The following DCP1B variants were observed in gnomAD, a reference collection of about 807,000 sequenced individuals.
DCP1B encodes the protein decapping mRNA 1B.
Under a neutral mutation model 60.5 loss-of-function variants are expected in DCP1B, and 47 were observed. That is an observed-to-expected ratio of 0.78 (90% CI 0.61 to 0.99). The LOEUF is 0.99. Among genes scored for constraint, DCP1B ranks in the 50% least tolerant of loss-of-function variants. The probability of loss-of-function intolerance (pLI) is 0.00; values close to 1 mark genes in which losing one functional copy is unlikely to be tolerated. For synonymous variants in DCP1B, 267 were observed against 280.3 expected (o/e 0.95, Z 0.47); for missense variants, 725 against 756.8 (o/e 0.96, Z 0.49).
chr12:1,991,550 CTTT>C (rs891578089), intron 3 of DCP1B: 2 of 225,852 alleles, frequency 8.9e-6, no homozygotes, highest in Admixed American at 5.6e-5. Flanking sequence ...AGGTTTTTTC[CTTT>C]TTTTTTTGCA....
chr12:1,942,146 C>T (rs926369947), downstream of DCP1B, among the ~76,000 whole-genome samples: 4 of 152,166 alleles, frequency 2.6e-5, no homozygotes, highest in Admixed American at 2.6e-4. Context: ...CAATCCTAGT[C>T]TCTGATAAAA....
intron 3 of DCP1B, among the ~76,000 whole-genome samples, chr12:1,981,225 C>A (rs1367722282): frequency 6.6e-6 from 1 of 152,134 alleles, no homozygotes. Flanking sequence ...TCACTCACTG[C>A]TTCGGGTTTC....
At position 1,946,295 on chromosome 12, in the gene DCP1B, C is replaced by T. The variant is rs1345962756; in HGVS notation, c.1774-9G>A. On this transcript the variant is annotated splice_polypyrimidine_tract_variant and intron_variant, in intron 8 of 8. Transcript: ENST00000280665. Reference sequence around the variant, plus strand: ...AAGAAGTTGTCATCATTCTGGAAAACAAATCGAAAGACCCAAGAGAATGTT... The same window carrying T: ...AAGAAGTTGTCATCATTCTGGAAAATAAATCGAAAGACCCAAGAGAATGTT... 1 of 1,594,804 alleles carries T rather than the reference C, an allele frequency of 6.3e-7. No homozygotes were observed. Among genetic ancestry groups the T allele is most frequent in the South Asian group, 1.2e-5 (1 of 86,788 alleles).
intron 1 of DCP1B, among the ~76,000 whole-genome samples, chr12:2,000,138 A>T (rs1207700872): frequency 1.3e-5 from 2 of 152,196 alleles, no homozygotes; most frequent in Admixed American, 1.3e-4. Context: ...GGCTGTCCCT[A>T]AAGTTTAACT....
chr12:1,962,282 A>G lies in DCP1B; in HGVS notation c.522+3276T>C, dbSNP rs73045420. Reference sequence around the variant, plus strand: ...TATGGCTCAGGATTGGTTAGTGTGCATATTAAAGGCGTGCTCCTGGCCAAG... The same window carrying G: ...TATGGCTCAGGATTGGTTAGTGTGCGTATTAAAGGCGTGCTCCTGGCCAAG... On this transcript the variant is annotated intron_variant, in intron 5 of 8. Transcript: ENST00000280665. The surrounding 1 kb of genome is among the most constrained non-coding windows in gnomAD (Gnocchi z 4.4). Among the ~76,000 whole-genome samples the G allele has an allele frequency of 1.4e-3, 209 of 152,308 alleles. No individual in the cohort carries two copies. The highest frequency in any genetic ancestry group is 0.01 in the Middle Eastern group (3 of 294).
chr12:1,983,803 T>C (rs1004904549), intron 3 of DCP1B, among the ~76,000 whole-genome samples: 1 of 151,904 alleles, frequency 6.6e-6, no homozygotes, highest in African/African-American at 2.4e-5. Context: ...CTATTGATTG[T>C]AGAAAGTGGA....
At chr12:1,946,929 C>CA (rs2154456240) in intron 8 of DCP1B, among the ~76,000 whole-genome samples, 1 of 152,254 alleles carries the variant, frequency 6.6e-6, no homozygotes, top group East Asian at 1.9e-4. Context: ...CTCCTGGGCT[C>CA]AAGTGAGCCT....
intron 5 of DCP1B, among the ~76,000 whole-genome samples, chr12:1,960,832 T>C (rs1383378626): frequency 1.3e-5 from 2 of 152,220 alleles, no homozygotes; most frequent in African/African-American, 4.8e-5. Context: ...ACACTTTAAG[T>C]AACGGAGACT....
At chr12:1,951,069 C>T (rs1252180919) in intron 7 of DCP1B, among the ~76,000 whole-genome samples, 2 of 152,014 alleles carry the variant, frequency 1.3e-5, no homozygotes, top group African/African-American at 2.4e-5. Context: ...GTCAGAAGTT[C>T]GAGACCAGCC....
At chr12:1,973,758 T>C (rs2033323831) in intron 3 of DCP1B, among the ~76,000 whole-genome samples, 1 of 152,214 alleles carries the variant, frequency 6.6e-6, no homozygotes, top group South Asian at 2.1e-4. Flanking sequence ...GAAAAGTCCA[T>C]AGTTTACAAC....
At chr12:1,973,849 AT>A (rs1436071242) in intron 3 of DCP1B, among the ~76,000 whole-genome samples, 1 of 152,154 alleles carries the variant, frequency 6.6e-6, no homozygotes, top group Non-Finnish European at 1.5e-5. Flanking sequence ...TTGCTGAAAA[AT>A]TTCAAAATCT....
rs773222148 is a variant in DCP1B at position 1,953,203 on chromosome 12, G to C, written c.737C>G (p.Pro246Arg). ...CTGCTGCTGGTGGAGAGTCTGCGGA[G>C]GCTCCACAGTTTCCTGACATGTAGC... is the stretch of plus-strand genomic sequence containing the variant. ...DKATCQETVE[P>R]PQTLHQQQQQ... Residue 246 changes from proline to arginine, a missense_variant, in exon 7 of 9, where the codon CCT (proline) becomes CGT (arginine). Transcript: ENST00000280665. 1 of 1,609,462 alleles carries C rather than the reference G, an allele frequency of 6.2e-7. No individual in the cohort carries two copies. The highest frequency in any genetic ancestry group is 8.5e-7 in the Non-Finnish European group (1 of 1,179,970).
At chr12:1,994,384 T>C (rs768625497) in intron 2 of DCP1B, among the ~76,000 whole-genome samples, 3 of 152,240 alleles carry the variant, frequency 2.0e-5, no homozygotes, top group Non-Finnish European at 4.4e-5. Flanking sequence ...TTGATACTGA[T>C]CAAGGAACAC....
At chr12:1,972,680 T>C (rs1473319369) in intron 3 of DCP1B, among the ~76,000 whole-genome samples, 2 of 152,160 alleles carry the variant, frequency 1.3e-5, no homozygotes, top group Non-Finnish European at 2.9e-5. Flanking sequence ...ATGAAATACA[T>C]GAAGCATTCA....
intron 3 of DCP1B, among the ~76,000 whole-genome samples, chr12:1,986,295 C>T (rs538740627): frequency 3.0e-4 from 46 of 152,158 alleles, no homozygotes; most frequent in Non-Finnish European, 5.4e-4. Flanking sequence ...ATTAGGAGAT[C>T]TCCTCATCCA....
chr12:2,000,348 T>G (rs1468643315), intron 1 of DCP1B, among the ~76,000 whole-genome samples: 1 of 152,184 alleles, frequency 6.6e-6, no homozygotes, highest in African/African-American at 2.4e-5. Flanking sequence ...TATCTGACCT[T>G]GGACTGTTTC....
At position 2,004,405 on chromosome 12, in the gene DCP1B, C is replaced by G. The variant is rs1224319804; in HGVS notation, c.27G>C (p.Leu9=). Residue 9 remains leucine (L), a synonymous_variant, in exon 1 of 9, where the codon CTG becomes CTC. Transcript: ENST00000280665. Reference sequence around the variant, plus strand: ...GGCTGATGTCGCGCCCCTTTCCCACCAGGCCGCCTGCCGCCACGGCTGCCA... The same window carrying G: ...GGCTGATGTCGCGCCCCTTTCCCACGAGGCCGCCTGCCGCCACGGCTGCCA... MAAVAAGG[L]VGKGRDISLA... 1.2e-6 allele frequency: 2 copies of G among 1,611,470 alleles called. No individual in the cohort carries two copies. The highest frequency in any genetic ancestry group is 2.2e-5 in the South Asian group (2 of 90,848).
At chr12:1,969,507 A>C (rs2031694368) in intron 3 of DCP1B, among the ~76,000 whole-genome samples, 1 of 149,530 alleles carries the variant, frequency 6.7e-6, no homozygotes, top group African/African-American at 2.5e-5. Context: ...ACTCTCTTAG[A>C]TGGAAATACA....
intron 4 of DCP1B, among the ~76,000 whole-genome samples, chr12:1,966,956 TGTC>T (rs2031316053): frequency 2.6e-5 from 4 of 152,190 alleles, no homozygotes; most frequent in Non-Finnish European, 5.9e-5. Flanking sequence ...AGAGCTACAG[TGTC>T]ATACCCATGT....
Sources: gnomAD v4.1 joint callset for allele counts (sites outside exome capture counted in the v4.1 genomes callset) on GRCh38, gnomAD v4.1.1 for gene constraint, Gnocchi (gnomAD v3.1) non-coding constraint, MANE v1.5 for transcripts, NCBI Gene and HGNC (gene_info 2026-07-23, HGNC 2026-07-21) for gene names.